Variants in GALR1 observed in about 807,000 individuals in gnomAD.
GALR1 encodes the protein galanin receptor type 1.
A neutral mutation model predicts 17.9 loss-of-function variants in GALR1; 11 were observed. That is an observed-to-expected ratio of 0.62 (90% CI 0.39 to 1.02). The LOEUF is 1.02. Ranked by LOEUF, GALR1 falls within the 50% of genes least tolerant of loss-of-function variation. GALR1 has a pLI of 0.01. For missense variants in GALR1, 441 were observed against 456.9 expected, an observed-to-expected ratio of 0.97 and a Z score of 0.32; for synonymous variants, 206 against 205.7, an observed-to-expected ratio of 1.00 and a Z score of -0.01.
At chr18:77,253,275 T>A (rs1429257065) in intron 1 of GALR1, among the ~76,000 whole-genome samples, 1 of 152,198 alleles carries the variant, frequency 6.6e-6, no homozygotes, top group East Asian at 1.9e-4. Context: ...AAAAGAGCTT[T>A]GGAAAGGAAC....
At position 77,276,850 on chromosome 18, in the gene GALR1, T is replaced by G. The variant is rs1175400845; in HGVS notation, c.*7948T>G. ...TTACATTACCCTAGCTACAGAAATT[T>G]GTAAGTTTTCAAAAGCATGAAGGAG... is the stretch of plus-strand genomic sequence containing the variant. On this transcript the variant is annotated 3_prime_UTR_variant, in exon 3 of 3. Coordinates refer to ENST00000299727, the MANE Select transcript of GALR1 (RefSeq NM_001480.4). 1.3e-5 allele frequency: 2 copies of G among 152,214 alleles called. No individual in the cohort carries two copies. Among genetic ancestry groups the G allele is most frequent in the Non-Finnish European group, 1.5e-5 (1 of 68,034 alleles). 9.4% of individuals were successfully genotyped at this position (152,214 alleles called of 1,614,324 possible).
At chr18:77,260,348 G>A (rs1912803713) in intron 2 of GALR1, among the ~76,000 whole-genome samples, 1 of 152,150 alleles carries the variant, frequency 6.6e-6, no homozygotes, top group Non-Finnish European at 1.5e-5. Flanking sequence ...GAGGTGTAAG[G>A]CAGCTCTCTG....
Position 77,273,581 on chromosome 18 carries a change from G to T in GALR1, c.*4679G>T, listed in dbSNP as rs1349819007. 6.6e-6 allele frequency: 1 copy of T among 151,844 alleles called. No homozygotes were observed. Among genetic ancestry groups the T allele is most frequent in the Non-Finnish European group, 1.5e-5 (1 of 68,040 alleles). 9.4% of individuals were successfully genotyped at this position (151,844 alleles called of 1,614,324 possible). A position where few individuals can be genotyped will look rare whatever the true frequency, so the allele number is the denominator to read the frequency against. ...ACCCGGGAGGTGGAGGTTGCAATGAGCCTAGATTGCACCATTGCACTCCAG... is the reference window on the plus strand; with the variant it reads ...ACCCGGGAGGTGGAGGTTGCAATGATCCTAGATTGCACCATTGCACTCCAG... On this transcript the variant is annotated 3_prime_UTR_variant, in exon 3 of 3. Coordinates refer to ENST00000299727, the MANE Select transcript of GALR1 (RefSeq NM_001480.4).
At chr18:77,255,422 C>T (rs1302114394) in intron 1 of GALR1, among the ~76,000 whole-genome samples, 1 of 152,164 alleles carries the variant, frequency 6.6e-6, no homozygotes, top group East Asian at 1.9e-4. Flanking sequence ...CATTAATTGT[C>T]AAACCTTGCA....
intron 2 of GALR1, among the ~76,000 whole-genome samples, chr18:77,258,528 ATGG>A (rs1018952173): frequency 9.8e-5 from 9 of 91,536 alleles, no homozygotes; most frequent in African/African-American, 2.8e-4. Context: ...CATTGTGGTG[ATGG>A]TGGCGATTGT....
At chr18:77,253,258 T>A (rs149013110) in intron 1 of GALR1, among the ~76,000 whole-genome samples, 3,484 of 152,268 alleles carry the variant, frequency 0.023, 57 homozygotes, top group Middle Eastern at 0.041. Flanking sequence ...ATTTTATTAT[T>A]TAAGGAAAAA....
intron 2 of GALR1, among the ~76,000 whole-genome samples, chr18:77,263,472 G>A (rs1429055022): frequency 6.6e-6 from 1 of 152,152 alleles, no homozygotes; most frequent in South Asian, 2.1e-4. Flanking sequence ...GAGGCTCAGG[G>A]AGTTTATGAC....
intron 1 of GALR1, among the ~76,000 whole-genome samples, chr18:77,254,776 A>G (rs1057235184): frequency 6.6e-6 from 1 of 152,228 alleles, no homozygotes; most frequent in Non-Finnish European, 1.5e-5. Context: ...GTAGAACAGT[A>G]AACTAACACC....
chr18:77,263,467 T>C (rs1912876683), intron 2 of GALR1, among the ~76,000 whole-genome samples: 1 of 152,234 alleles, frequency 6.6e-6, no homozygotes, highest in South Asian at 2.1e-4. Flanking sequence ...AAGTTGAGGC[T>C]CAGGGAGTTT....
At position 77,272,276 on chromosome 18, in the gene GALR1, C is replaced by T. The variant is rs1913080173; in HGVS notation, c.*3374C>T. The T allele has an allele frequency of 6.6e-6, 1 of 152,178 alleles. No individual in the cohort carries two copies. Among genetic ancestry groups the T allele is most frequent in the Non-Finnish European group, 1.5e-5 (1 of 68,038 alleles). 9.4% of individuals were successfully genotyped at this position (152,178 alleles called of 1,614,324 possible). A position where few individuals can be genotyped will look rare whatever the true frequency, so the allele number is the denominator to read the frequency against. On this transcript the variant is annotated 3_prime_UTR_variant, in exon 3 of 3. Transcript: ENST00000299727. ...GCTCAACTCGAAATCATATTGCATT[C>T]CTGCATTCTCCCAGATGCTTTGAGG...
intron 2 of GALR1, among the ~76,000 whole-genome samples, chr18:77,268,044 G>A (rs759767657): frequency 5.9e-5 from 9 of 152,148 alleles, no homozygotes; most frequent in Non-Finnish European, 1.2e-4. Context: ...GGACTAATTC[G>A]GTCCATAGAC....
chr18:77,270,413 G>C lies in GALR1; in HGVS notation c.*1511G>C, dbSNP rs1176352864. 1 of 152,200 alleles carries C rather than the reference G, an allele frequency of 6.6e-6. No individual in the cohort carries two copies. The highest frequency in any genetic ancestry group is 1.5e-5 in the Non-Finnish European group (1 of 68,072). 9.4% of individuals were successfully genotyped at this position (152,200 alleles called of 1,614,324 possible). ...GCCTGTAGTTTCAGCTACTCTGGAG[G>C]CTGATGTGGGGGATCACCTGAGCCC... On this transcript the variant is annotated 3_prime_UTR_variant, in exon 3 of 3. Coordinates refer to ENST00000299727, the MANE Select transcript of GALR1 (RefSeq NM_001480.4).
At chr18:77,252,959 T>TCAC (rs1912488840) in intron 1 of GALR1, among the ~76,000 whole-genome samples, 63 of 26,054 alleles carry the variant, frequency 2.4e-3, no homozygotes, top group South Asian at 6.5e-3. Flanking sequence ...ATCACCACCA[T>TCAC]CACCACCACC....
intron 2 of GALR1, among the ~76,000 whole-genome samples, chr18:77,258,785 G>GTGGTGGTGGTGA (rs1448660927): frequency 7.4e-6 from 1 of 135,074 alleles, no homozygotes; most frequent in East Asian, 2.3e-4. Flanking sequence ...GATGGTGGTG[G>GTGGTGGTGGTGA]TGGTGGTGGT....
rs1032108071 is a variant in GALR1 at position 77,250,438 on chromosome 18, A to C, written c.-111A>C. On this transcript the variant is annotated 5_prime_UTR_variant, in exon 1 of 3. Transcript: ENST00000299727. ...CGCCTCGGGGGAAGCTCAGACTCCT[A>C]AACTCGCACTCTCCGTGCTTTGCGC... is the stretch of plus-strand genomic sequence containing the variant. 19 of 1,179,434 alleles carry C rather than the reference A, an allele frequency of 1.6e-5. No homozygotes were observed. Among genetic ancestry groups the C allele is most frequent in the Non-Finnish European group, 2.1e-5 (19 of 891,274 alleles). 73.1% of individuals were successfully genotyped at this position (1,179,434 alleles called of 1,614,324 possible). A position where few individuals can be genotyped will look rare whatever the true frequency, so the allele number is the denominator to read the frequency against.
In GALR1 at chr18:77,250,946, G is replaced by T; in HGVS notation, c.398G>T (p.Arg133Leu). ...IFTLAAMSVD[R>L]YVAIVHSRRS... ...ACCCTGGCCGCGATGTCCGTGGACCGCTACGTGGCCATCGTGCACTCGCGG... is the reference window on the plus strand; with the variant it reads ...ACCCTGGCCGCGATGTCCGTGGACCTCTACGTGGCCATCGTGCACTCGCGG... Residue 133 changes from arginine to leucine, a missense_variant, in exon 1 of 3, where the codon CGC (arginine) becomes CTC (leucine). Transcript: ENST00000299727. 2.5e-6 allele frequency: 4 copies of T among 1,604,266 alleles called. No homozygotes were observed. Among genetic ancestry groups the T allele is most frequent in the Non-Finnish European group, 3.4e-6 (4 of 1,179,958 alleles).
At chr18:77,259,363 G>C (rs888930970) in intron 2 of GALR1, among the ~76,000 whole-genome samples, 3 of 139,320 alleles carry the variant, frequency 2.2e-5, no homozygotes, top group Non-Finnish European at 4.8e-5. Context: ...GATGGTGGTG[G>C]TGGTCACAGT....
In GALR1 at chr18:77,267,456, A is replaced by G. The variant is rs557337807; in HGVS notation, c.733-1129A>G. On this transcript the variant is annotated intron_variant, in intron 2 of 2. Coordinates refer to ENST00000299727, the MANE Select transcript of GALR1 (RefSeq NM_001480.4). ...TGTGGGTCATGACAGCATCTGCTTC[A>G]TAGAGTCGTAAAGGACATTCGGTGA... 3.2e-4 allele frequency among the ~76,000 whole-genome samples: 49 copies of G among 152,338 alleles called. 1 individual carries two copies. The South Asian group carries it at 9.7e-3, about 30-fold the overall frequency.
At position 77,270,197 on chromosome 18, in the gene GALR1, A is replaced by G. The variant is rs143736224; in HGVS notation, c.*1295A>G. 6.6e-6 allele frequency: 1 copy of G among 152,054 alleles called. No homozygotes were observed. The highest frequency in any genetic ancestry group is 1.5e-5 in the Non-Finnish European group (1 of 68,018). 9.4% of individuals were successfully genotyped at this position (152,054 alleles called of 1,614,324 possible). ...GTTTTAGGAGGCAACAAAAGCAAGA[A>G]GTTTTTTTTTTGTTTGTTTGTTAAA... On this transcript the variant is annotated 3_prime_UTR_variant, in exon 3 of 3. Transcript: ENST00000299727.
Sources: gnomAD v4.1 joint callset for allele counts (sites outside exome capture counted in the v4.1 genomes callset) on GRCh38, gnomAD v4.1.1 for gene constraint, MANE v1.5 for transcripts, NCBI Gene and HGNC (gene_info 2026-07-23, HGNC 2026-07-21) for gene names.